SLC7A5: variants seen among roughly 807,000 people sequenced by gnomAD.
SLC7A5 encodes the protein solute carrier family 7 member 5, also known as large neutral amino acids transporter small subunit 1.
Under a neutral mutation model 50.2 loss-of-function variants are expected in SLC7A5, and 23 were observed. That is an observed-to-expected ratio of 0.46 (90% CI 0.33 to 0.65). SLC7A5 has a LOEUF of 0.65. Ranked by LOEUF, SLC7A5 falls within the 30% of genes least tolerant of loss-of-function variation. The pLI is 0.02. For missense variants in SLC7A5, 578 were observed against 684.4 expected (o/e 0.84, Z 1.73); for synonymous variants, 393 against 330.6 (o/e 1.19, Z -2.05).
intron 7 of SLC7A5, 79 bp from the exon 8 acceptor site, chr16:87,836,726 G>C (rs2055009068): frequency 6.6e-7 from 1 of 1,515,242 alleles, no homozygotes; most frequent in Non-Finnish European, 9.1e-7. Flanking sequence ...ACCGGGGACT[G>C]TCCAGCCTGG....
In SLC7A5 at chr16:87,851,739, C is replaced by A; in HGVS notation, c.649G>T (p.Val217Phe). Residue 217 changes from valine to phenylalanine, a missense_variant, in exon 2 of 10, where the codon GTC (valine) becomes TTC (phenylalanine). Transcript: ENST00000261622. ...ALALIILLGF[V>F]QIGKGDVSNL... ...ACGTACTCACCCTTCCCGATCTGGA[C>A]GAAGCCCAGCAGGATGATCAGGGCC... 1 of 1,613,054 alleles carries A rather than the reference C, an allele frequency of 6.2e-7. No homozygotes were observed. Among genetic ancestry groups the A allele is most frequent in the Non-Finnish European group, 8.5e-7 (1 of 1,179,888 alleles).
At chr16:87,851,941 G>C in intron 1 of SLC7A5, 92 bp from the exon 2 acceptor site, 1 of 1,497,266 alleles carries the variant, frequency 6.7e-7, no homozygotes, top group South Asian at 1.1e-5. Flanking sequence ...CCCCACCCCA[G>C]GGCCAGGTCC....
chr16:87,863,986 A>AAAATATATATATAT (rs376938738), intron 1 of SLC7A5, among the ~76,000 whole-genome samples: 26 of 83,272 alleles, frequency 3.1e-4, no homozygotes, highest in Admixed American at 7.1e-4. Flanking sequence ...ATCATTTAAA[A>AAAATATATATATAT]ATATATATAT....
intron 2 of SLC7A5, among the ~76,000 whole-genome samples, chr16:87,849,032 GGGTGCGGGACAGGCAGGAACA>G (rs1473733808): frequency 6.6e-6 from 1 of 152,264 alleles, no homozygotes; most frequent in Non-Finnish European, 1.5e-5. Flanking sequence ...AGGGCACCCA[GGGTGCGGGACAGGCAGGAACA>G]GGTGCGTGGG....
rs979329159 is a variant in SLC7A5, at chr16:87,841,233, G to T, written c.665-78C>A. The T allele has an allele frequency of 1.0e-5, 10 of 959,736 alleles. No individual in the cohort carries two copies. In the African/African-American group the frequency reaches 1.4e-4, roughly 14 times the overall value. 59.5% of individuals were successfully genotyped at this position (959,736 alleles called of 1,614,324 possible). On this transcript the variant is annotated intron_variant, in intron 2 of 9. Transcript: ENST00000261622. This position sits in a 1 kb window ranked among gnomAD's most constrained non-coding sequence, Gnocchi z 4.8. Reference sequence around the variant, plus strand: ...ATGCTACCAGTTCTAGAATGTTCCTGGAGCAAAATACATAGCAAACAAAAA... The same window carrying T: ...ATGCTACCAGTTCTAGAATGTTCCTTGAGCAAAATACATAGCAAACAAAAA...
At chr16:87,859,611 T>C (rs776296990) in intron 1 of SLC7A5, among the ~76,000 whole-genome samples, 16 of 152,162 alleles carry the variant, frequency 1.1e-4, no homozygotes, top group Non-Finnish European at 1.8e-4. Context: ...CCCCTCCCTC[T>C]GGAATTCAGG....
chr16:87,846,405 G>A (rs145337572), intron 2 of SLC7A5, among the ~76,000 whole-genome samples: 60 of 152,366 alleles, frequency 3.9e-4, no homozygotes, highest in African/African-American at 1.4e-3. Flanking sequence ...CCTGGGGCTT[G>A]CCCTATTTCC....
intron 1 of SLC7A5, among the ~76,000 whole-genome samples, chr16:87,863,020 G>T (rs1483126344): frequency 1.3e-5 from 2 of 152,200 alleles, no homozygotes; most frequent in African/African-American, 4.8e-5. Flanking sequence ...GTGACGGCAC[G>T]CCTGGGACTG....
chr16:87,860,812 C>G lies in SLC7A5; in HGVS notation c.538+8073G>C, dbSNP rs144126049. Reference sequence around the variant, plus strand: ...ATAGGAGGTCGGTGCTCATTCCTCACGTAGTGGGCAAATCCTAGGGCAGGG... The same window carrying G: ...ATAGGAGGTCGGTGCTCATTCCTCAGGTAGTGGGCAAATCCTAGGGCAGGG... On this transcript the variant is annotated intron_variant, in intron 1 of 9. Coordinates refer to ENST00000261622, the MANE Select transcript of SLC7A5 (RefSeq NM_003486.7). This position sits in a 1 kb window ranked among gnomAD's most constrained non-coding sequence, Gnocchi z 4.8. Among the ~76,000 whole-genome samples the G allele has an allele frequency of 5.3e-5, 8 of 152,186 alleles. No homozygotes were observed. The highest frequency in any genetic ancestry group is 1.2e-4 in the Non-Finnish European group (8 of 68,038).
chr16:87,867,342 C>G (rs866185507), intron 1 of SLC7A5, among the ~76,000 whole-genome samples: 3 of 152,210 alleles, frequency 2.0e-5, no homozygotes, highest in South Asian at 2.1e-4. Context: ...ATTCTAATGA[C>G]AAAAAAAGAA....
chr16:87,839,526 C>T (rs2302667), intron 5 of SLC7A5, among the ~76,000 whole-genome samples, 176 bp downstream of exon 5: 12,324 of 152,228 alleles, frequency 0.081, 758 homozygotes, highest in African/African-American at 0.15. Context: ...ACTTCCTCTG[C>T]GGTCGCTGTG....
At position 87,853,005 on chromosome 16, in the gene SLC7A5, C is replaced by T. The variant is rs892621989; in HGVS notation, c.539-1156G>A. On this transcript the variant is annotated intron_variant, in intron 1 of 9. Coordinates refer to ENST00000261622, the MANE Select transcript of SLC7A5 (RefSeq NM_003486.7). This position sits in a 1 kb window ranked among gnomAD's most constrained non-coding sequence, Gnocchi z 4.4. ...TACACCCCAGAAGTGGGCAAAGGCC[C>T]AGCACGGGCCACCCACACAGCTCAG... Among the ~76,000 whole-genome samples the T allele has an allele frequency of 6.6e-6, 1 of 152,238 alleles. No homozygotes were observed. The highest frequency in any genetic ancestry group is 1.5e-5 in the Non-Finnish European group (1 of 68,044).
intron 4 of SLC7A5, among the ~76,000 whole-genome samples, 160 bp from the exon 5 acceptor site, chr16:87,839,985 C>A (rs2055063035): frequency 6.6e-6 from 1 of 152,212 alleles, no homozygotes; most frequent in African/African-American, 2.4e-5. Flanking sequence ...AGGCTGGCGG[C>A]AGGAGGCTGT....
At chr16:87,858,155 T>A (rs1173495498) in intron 1 of SLC7A5, among the ~76,000 whole-genome samples, 1 of 152,226 alleles carries the variant, frequency 6.6e-6, no homozygotes, top group East Asian at 1.9e-4. Context: ...CACCCGGTGC[T>A]GAAATGCTGT....
intron 2 of SLC7A5, among the ~76,000 whole-genome samples, chr16:87,845,701 C>A (rs2055145341): frequency 6.6e-6 from 1 of 152,198 alleles, no homozygotes; most frequent in Non-Finnish European, 1.5e-5. Context: ...GTCTGTCGGT[C>A]TTGGAAACTC....
At chr16:87,840,959 T>C (rs2055076054) in intron 3 of SLC7A5, 91 bp downstream of exon 3, 1 of 872,080 alleles carries the variant, frequency 1.1e-6, no homozygotes, top group African/African-American at 1.7e-5. Flanking sequence ...TCCCTTTAAC[T>C]GCCCCTTGAT....
rs112285862 is a variant in SLC7A5 at position 87,857,584 on chromosome 16, G to A, written c.539-5735C>T. Among the ~76,000 whole-genome samples the A allele has an allele frequency of 6.0e-3, 920 of 152,310 alleles. 4 individuals are homozygous for A. Among genetic ancestry groups the A allele is most frequent in the Non-Finnish European group, 9.3e-3 (634 of 68,020 alleles). On this transcript the variant is annotated intron_variant, in intron 1 of 9. Coordinates refer to ENST00000261622, the MANE Select transcript of SLC7A5 (RefSeq NM_003486.7). ...AGGCGTGAGCCACCGCGCCTGGCCG[G>A]GATGGTCTGCTTATAATGGCTCAAT...
In SLC7A5 at chr16:87,853,279, GGTGCGGGAC is replaced by G; in HGVS notation, c.539-1439_539-1431del. Among the ~76,000 whole-genome samples, 1 of 152,236 alleles carries G rather than the reference GGTGCGGGAC, an allele frequency of 6.6e-6. No homozygotes were observed. Among genetic ancestry groups the G allele is most frequent in the Admixed American group, 6.5e-5 (1 of 15,288 alleles). On this transcript the variant is annotated intron_variant, in intron 1 of 9. Coordinates refer to ENST00000261622, the MANE Select transcript of SLC7A5 (RefSeq NM_003486.7). The surrounding 1 kb of genome is among the most constrained non-coding windows in gnomAD (Gnocchi z 4.4). ...ACTAATGACACCGGAAACGTCCTGA[GGTGCGGGAC>G]GGGCTGCCGCCTGCCTATCTCTCAG... is the stretch of plus-strand genomic sequence containing the variant.
intron 4 of SLC7A5, 38 bp downstream of exon 4, chr16:87,840,391 T>C: frequency 6.4e-7 from 1 of 1,565,340 alleles, no homozygotes; most frequent in Non-Finnish European, 8.8e-7. Context: ...CACATTAAAA[T>C]AATGAAAAAA....
Sources: allele counts gnomAD v4.1 joint callset (sites outside exome capture counted in the v4.1 genomes callset), GRCh38; gene constraint gnomAD v4.1.1; non-coding constraint Gnocchi (gnomAD v3.1); transcripts MANE v1.5; gene names NCBI Gene and HGNC (gene_info 2026-07-23, HGNC 2026-07-21).